The following CAPN14 variants were observed in gnomAD, a reference collection of about 807,000 sequenced individuals.
The protein encoded by CAPN14 is calpain-14.
In CAPN14, 94 loss-of-function variants were observed where a neutral mutation model predicts 101.3. The observed-to-expected ratio is 0.93, with a 90% CI of 0.79 to 1.10. CAPN14 has a LOEUF of 1.10. CAPN14 is among the 50% of genes least tolerant of loss of function. The pLI is 0.00. For missense variants in CAPN14, 837 were observed against 828.4 expected (o/e 1.01, Z -0.13); for synonymous variants, 338 against 317.9 (o/e 1.06, Z -0.67).
Position 31,173,810 on chromosome 2 carries a change from A to G in CAPN14, c.*871T>C, listed in dbSNP as rs1680162577. The stretch of plus-strand genomic sequence containing the variant: ...CCTGTATTCTTGGTTGAGAGGGATG[A>G]CATAAACAAGGTGTTTCATGGTAGT... On this transcript the variant is annotated 3_prime_UTR_variant, in exon 22 of 22. Transcript: ENST00000403897. 6.6e-6 allele frequency: 1 copy of G among 152,212 alleles called. No individual in the cohort carries two copies. The highest frequency in any genetic ancestry group is 6.5e-5 in the Admixed American group (1 of 15,290). The allele number at this position is 152,212 out of a possible 1,614,324, so 9.4% of individuals were successfully genotyped here. A position where few individuals can be genotyped will look rare whatever the true frequency, so the allele number is the denominator to read the frequency against.
At chr2:31,227,708 G>A (rs1003914943) in intron 1 of CAPN14, among the ~76,000 whole-genome samples, 1 of 152,196 alleles carries the variant, frequency 6.6e-6, no homozygotes, top group Non-Finnish European at 1.5e-5. Context: ...AACTCGGCCT[G>A]ATCTCATCAG....
intron 10 of CAPN14, among the ~76,000 whole-genome samples, chr2:31,192,474 G>T (rs1232340448): frequency 1.3e-5 from 2 of 152,196 alleles, no homozygotes; most frequent in Non-Finnish European, 2.9e-5. Context: ...TTACCTTAAG[G>T]TCAGCTTCAG....
In CAPN14 at chr2:31,211,861, ATATT is replaced by A. The variant is rs141994196; in HGVS notation, c.-53+5591_-53+5594del. On this transcript the variant is annotated intron_variant, in intron 1 of 21. Transcript: ENST00000403897. Reference sequence around the variant, plus strand: ...AAAAAATGTGTTTAATAAAAATACAATATTTAAAAAAAAGCAAGTCAGTGGTTAC... The same window carrying A: ...AAAAAATGTGTTTAATAAAAATACAATAAAAAAAAGCAAGTCAGTGGTTAC... Among the ~76,000 whole-genome samples the A allele has an allele frequency of 2.1e-3, 321 of 152,316 alleles. 2 individuals are homozygous for A. The highest frequency in any genetic ancestry group is 3.7e-3 in the Non-Finnish European group (251 of 68,024).
rs543230639 is a variant in CAPN14 at position 31,184,325 on chromosome 2, T to G, written c.1645+2103A>C. On this transcript the variant is annotated intron_variant, in intron 16 of 21. Coordinates refer to ENST00000403897, the MANE Select transcript of CAPN14 (RefSeq NM_001145122.2). ...AGTGGCTCACGGTCCTAGTTTCACC[T>G]CCAGAAAAGCATAAAACGGTATTTG... 1.6e-3 allele frequency among the ~76,000 whole-genome samples: 249 copies of G among 152,326 alleles called. 1 individual carries two copies. The highest frequency in any genetic ancestry group is 2.5e-3 in the Non-Finnish European group (173 of 68,032).
At chr2:31,186,316 G>A (rs2148677217) in intron 16 of CAPN14, 112 bp downstream of exon 16, 1 of 606,794 alleles carries the variant, frequency 1.6e-6, no homozygotes, top group Non-Finnish European at 2.7e-6. Flanking sequence ...AGCCAGAGTT[G>A]AGACCAGTGC....
intron 1 of CAPN14, among the ~76,000 whole-genome samples, chr2:31,206,034 A>ATT (rs201440262): frequency 5.3e-5 from 6 of 112,986 alleles, no homozygotes; most frequent in Admixed American, 9.3e-5. Flanking sequence ...TTTTTTATTT[A>ATT]TTTATTTTTT....
chr2:31,205,814 G>C (rs1354503386), intron 1 of CAPN14, among the ~76,000 whole-genome samples: 3 of 151,970 alleles, frequency 2.0e-5, no homozygotes, highest in African/African-American at 2.4e-5. Context: ...TTAGTGGGGA[G>C]GCAGGAGAAG....
intron 8 of CAPN14, among the ~76,000 whole-genome samples, chr2:31,195,996 GA>G: frequency 6.6e-6 from 1 of 152,064 alleles, no homozygotes; most frequent in East Asian, 1.9e-4. Context: ...AGAATTAGCA[GA>G]TAAGGACATT....
At chr2:31,205,641 G>T in intron 1 of CAPN14, 142 bp from the exon 2 acceptor site, 1 of 617,222 alleles carries the variant, frequency 1.6e-6, no homozygotes. Flanking sequence ...GTTCGATTTT[G>T]TCCCAGAGAG....
At chr2:31,201,724 C>T (rs1433053455) in intron 5 of CAPN14, 138 bp downstream of exon 5, 6 of 1,125,486 alleles carry the variant, frequency 5.3e-6, no homozygotes, top group East Asian at 5.2e-5. Context: ...AGACTGAATA[C>T]GTTGTCACTT....
Position 31,229,854 on chromosome 2 carries a change from A to T in CAPN14, c.-176-3203T>A, listed in dbSNP as rs149443730. Among the ~76,000 whole-genome samples the T allele has an allele frequency of 5.0e-3, 764 of 152,244 alleles. 1 individual carries two copies. Among genetic ancestry groups the T allele is most frequent in the Non-Finnish European group, 7.6e-3 (515 of 68,024 alleles). On this transcript the variant is annotated intron_variant and NMD_transcript_variant, in intron 1 of 21. Coordinates refer to the CAPN14 transcript ENST00000398824. ...TTTGCTTCTCTTTTTAAAAACTTCA[A>T]TGCACACATATGCATCCATGAACAA...
At position 31,189,242 on chromosome 2, in the gene CAPN14, C is replaced by T. The variant is rs1238248628; in HGVS notation, c.1493+31G>A. On this transcript the variant is annotated intron_variant, in intron 13 of 21. Coordinates refer to ENST00000403897, the MANE Select transcript of CAPN14 (RefSeq NM_001145122.2). The stretch of plus-strand genomic sequence containing the variant: ...TTGCCTGTCCTCGTCCAAGTGGTCC[C>T]CACCCTCTAGGAGAGACCTTGTGTC... 3.2e-6 allele frequency: 5 copies of T among 1,544,910 alleles called. No homozygotes were observed. The South Asian group carries it at 6.0e-5, about 18-fold the overall frequency.
intron 5 of CAPN14, among the ~76,000 whole-genome samples, chr2:31,201,381 C>G (rs780339671): frequency 9.2e-5 from 14 of 152,160 alleles, no homozygotes; most frequent in Non-Finnish European, 1.6e-4. Context: ...CCCTGATGAT[C>G]AGGCCGCCCC....
chr2:31,216,491 G>A (rs1682649948), intron 1 of CAPN14, among the ~76,000 whole-genome samples: 1 of 152,110 alleles, frequency 6.6e-6, no homozygotes, highest in South Asian at 2.1e-4. Flanking sequence ...CCTCGAGGAA[G>A]TCACAGTCCA....
At chr2:31,231,074 G>A (rs547205627) in intron 1 of CAPN14, among the ~76,000 whole-genome samples, 1 of 152,202 alleles carries the variant, frequency 6.6e-6, no homozygotes, top group African/African-American at 2.4e-5. Context: ...TGTTGCCATT[G>A]CTATGTTACT....
At chr2:31,224,694 A>G (rs751061770) in intron 2 of CAPN14, among the ~76,000 whole-genome samples, 9 of 151,984 alleles carry the variant, frequency 5.9e-5, no homozygotes, top group Non-Finnish European at 1.3e-4. Context: ...TAAAATAACT[A>G]TATATATTGT....
At chr2:31,211,520 A>G (rs1372652260) in intron 1 of CAPN14, among the ~76,000 whole-genome samples, 1 of 152,200 alleles carries the variant, frequency 6.6e-6, no homozygotes, top group African/African-American at 2.4e-5. Flanking sequence ...TAGTTTGAGT[A>G]ACCTGGTGCC....
At chr2:31,218,677 CA>C, upstream of CAPN14, among the ~76,000 whole-genome samples, 1 of 152,192 alleles carries the variant, frequency 6.6e-6, no homozygotes, top group Non-Finnish European at 1.5e-5. Context: ...CCACATTCTA[CA>C]AAAAGAAAAC....
chr2:31,200,714 A>G, intron 5 of CAPN14, 89 bp from the exon 6 acceptor site: 1 of 1,273,316 alleles, frequency 7.9e-7, no homozygotes, highest in Non-Finnish European at 1.1e-6. Context: ...TTTAAATAGG[A>G]GTCTAGTTTT....
Sources: gnomAD v4.1 joint callset for allele counts (sites outside exome capture counted in the v4.1 genomes callset) on GRCh38, gnomAD v4.1.1 for gene constraint, MANE v1.5 for transcripts, NCBI Gene and HGNC (gene_info 2026-07-23, HGNC 2026-07-21) for gene names.